KCNAB2: variants seen among roughly 807,000 people sequenced by gnomAD.
The protein encoded by KCNAB2 is potassium voltage-gated channel subfamily A regulatory beta subunit 2, also known as voltage-gated potassium channel subunit beta-2.
KCNAB2 carries 29 observed loss-of-function variants against 63.6 expected under a neutral mutation model. The observed-to-expected ratio is 0.46, with a 90% confidence interval of 0.34 to 0.62. The LOEUF (loss-of-function observed/expected upper bound fraction) is 0.62, where lower values mean the gene tolerates loss of function less well. KCNAB2 is among the 20% of genes least tolerant of loss of function. The pLI, the probability that KCNAB2 is intolerant of heterozygous loss-of-function variation, is 0.01. For missense variants in KCNAB2, 359 were observed against 563.9 expected (o/e 0.64, Z 3.68); for synonymous variants, 222 against 224.2 (o/e 0.99, Z 0.09).
chr1:6,054,824 C>T (rs1661674272), intron 2 of KCNAB2, among the ~76,000 whole-genome samples: 2 of 152,144 alleles, frequency 1.3e-5, no homozygotes, highest in African/African-American at 4.8e-5. Context: ...CCACAGCCAG[C>T]CTGATTGGTT....
chr1:5,992,842 A>G (rs1656580348), intron 1 of KCNAB2: 1 of 150,692 alleles, frequency 6.6e-6, no homozygotes, highest in Non-Finnish European at 1.5e-5. Flanking sequence ...CTGCTCCGGG[A>G]CGGCGGCGGC....
chr1:6,032,783 C>T (rs1418581785), upstream of KCNAB2, among the ~76,000 whole-genome samples: 1 of 152,168 alleles, frequency 6.6e-6, no homozygotes, highest in Admixed American at 6.5e-5. Context: ...AAAAGACCTC[C>T]CCAAAAAGGT....
chr1:6,008,927 G>C (rs1657986639), intron 1 of KCNAB2, among the ~76,000 whole-genome samples: 1 of 152,230 alleles, frequency 6.6e-6, no homozygotes. Context: ...CCCCAGAGCA[G>C]CCCTGCCCAT....
chr1:6,062,825 G>A (rs1029394086), intron 2 of KCNAB2, among the ~76,000 whole-genome samples: 6 of 152,088 alleles, frequency 3.9e-5, no homozygotes, highest in African/African-American at 1.4e-4. Flanking sequence ...TATAATTCAC[G>A]TGCCATACAA....
At chr1:6,095,694 C>A in intron 13 of KCNAB2, 70 bp downstream of exon 13, 2 of 1,438,592 alleles carry the variant, frequency 1.4e-6, no homozygotes, top group South Asian at 1.1e-5. Context: ...ACCTTTGGGC[C>A]GACTGCTTTG....
chr1:6,086,431 T>C lies in KCNAB2; in HGVS notation c.426-1036T>C. The C allele has an allele frequency of 1.0e-6, 1 of 957,416 alleles. No individual in the cohort carries two copies. Among genetic ancestry groups the C allele is most frequent in the African/African-American group, 1.8e-5 (1 of 56,718 alleles). 59.3% of individuals were successfully genotyped at this position (957,416 alleles called of 1,614,324 possible). ...GGTGGTGTGGGGTGATCCCCCTTCC[T>C]GGAGGTGACGCTGCCTCTGCCAGAG... On this transcript the variant is annotated intron_variant, in intron 6 of 15. Coordinates refer to ENST00000378083, the MANE Select transcript of KCNAB2 (RefSeq NM_001199862.2). This position sits in a 1 kb window ranked among gnomAD's most constrained non-coding sequence, Gnocchi z 4.2.
At chr1:6,030,549 ATGTG>A (rs1418647666), upstream of KCNAB2, among the ~76,000 whole-genome samples, 1 of 149,956 alleles carries the variant, frequency 6.7e-6, no homozygotes, top group African/African-American at 2.5e-5. Context: ...ATATGTGTGT[ATGTG>A]TGTATGTCTA....
chr1:6,030,846 GTA>G (rs1426678195), upstream of KCNAB2, among the ~76,000 whole-genome samples: 6 of 151,386 alleles, frequency 4.0e-5, no homozygotes, highest in Non-Finnish European at 5.9e-5. Context: ...ATGTGTGTAG[GTA>G]TGTGTGTGTA....
chr1:6,066,856 C>T (rs1288275834), intron 2 of KCNAB2, among the ~76,000 whole-genome samples: 3 of 152,250 alleles, frequency 2.0e-5, no homozygotes, highest in Admixed American at 6.5e-5. Flanking sequence ...GCAGCCAGGC[C>T]GCATCTGGAG....
chr1:6,029,281 C>CA (rs756374657), intron 1 of KCNAB2, among the ~76,000 whole-genome samples: 4,103 of 62,202 alleles, frequency 0.066, 174 homozygotes, highest in African/African-American at 0.15. Flanking sequence ...GACTCCATCT[C>CA]AAAAAAAAAA....
chr1:6,000,990 G>A (rs1383180596), intron 1 of KCNAB2, among the ~76,000 whole-genome samples: 1 of 152,232 alleles, frequency 6.6e-6, no homozygotes, highest in Non-Finnish European at 1.5e-5. Context: ...ACATCGTCAG[G>A]AAAGGGGGAA....
chr1:6,081,675 G>A (rs1317195734), intron 4 of KCNAB2, among the ~76,000 whole-genome samples: 1 of 152,084 alleles, frequency 6.6e-6, no homozygotes, highest in African/African-American at 2.4e-5. Flanking sequence ...GCTTGTAGAC[G>A]TGTCACTCTG....
rs59453093 is a variant in KCNAB2 at position 6,074,380 on chromosome 1, C to T, written c.300+610C>T. On this transcript the variant is annotated intron_variant, in intron 4 of 15. Coordinates refer to ENST00000378083, the MANE Select transcript of KCNAB2 (RefSeq NM_001199862.2). The surrounding 1 kb of genome is among the most constrained non-coding windows in gnomAD (Gnocchi z 4.9). ...GTATGCCGCCAGCGCCTCTGGGTCT[C>T]TCGGAAGGACAGGGACGGCACACGC... 0.1 allele frequency among the ~76,000 whole-genome samples: 15,380 copies of T among 152,258 alleles called. 2,502 individuals are homozygous for T. Among genetic ancestry groups the T allele is most frequent in the African/African-American group, 0.34 (14,215 of 41,488 alleles).
rs1663367942 is a variant in KCNAB2 at position 6,073,210 on chromosome 1, G to A, written c.262+412G>A. 1.3e-5 allele frequency among the ~76,000 whole-genome samples: 2 copies of A among 152,010 alleles called. No individual in the cohort carries two copies. The highest frequency in any genetic ancestry group is 2.9e-5 in the Non-Finnish European group (2 of 67,990). On this transcript the variant is annotated intron_variant, in intron 3 of 15. Transcript: ENST00000378083. The surrounding 1 kb of genome is among the most constrained non-coding windows in gnomAD (Gnocchi z 5.7). Reference sequence around the variant, plus strand: ...TTTTTCCTCTCCTGTCAGATACAAGGCCTGTTTCCAGAATGTGCAGTCCCC... The same window carrying A: ...TTTTTCCTCTCCTGTCAGATACAAGACCTGTTTCCAGAATGTGCAGTCCCC...
chr1:6,094,544 A>T (rs1231943443), intron 11 of KCNAB2, 59 bp downstream of exon 11: 2 of 1,407,030 alleles, frequency 1.4e-6, no homozygotes, highest in Non-Finnish European at 2.0e-6. Context: ...CCGGCTGCGT[A>T]TGGAGACCCC....
chr1:6,040,955 G>T (rs1265059794), upstream of KCNAB2, among the ~76,000 whole-genome samples: 2 of 152,260 alleles, frequency 1.3e-5, no homozygotes, highest in Non-Finnish European at 2.9e-5. Context: ...CGGCCGGACA[G>T]TGAGTGCACG....
In KCNAB2 at chr1:6,003,437, C is replaced by T. The variant is rs556818250; in HGVS notation, c.-53+10649C>T. 1.3e-5 allele frequency among the ~76,000 whole-genome samples: 2 copies of T among 152,340 alleles called. No homozygotes were observed. Among genetic ancestry groups the T allele is most frequent in the Non-Finnish European group, 2.9e-5 (2 of 68,032 alleles). ...TTCAGCCCCTGCAGACACGCAGGCA[C>T]CGTCCACCTTCTCCACTCTTAGCGC... On this transcript the variant is annotated intron_variant, in intron 1 of 16. Transcript: ENST00000341524. This position sits in a 1 kb window ranked among gnomAD's most constrained non-coding sequence, Gnocchi z 4.1.
intron 1 of KCNAB2, among the ~76,000 whole-genome samples, chr1:6,039,762 G>A (rs1364700941): frequency 6.6e-6 from 1 of 152,184 alleles, no homozygotes; most frequent in African/African-American, 2.4e-5. Flanking sequence ...TTGGGCTGTT[G>A]GGCTGAGGGC....
Position 6,098,532 on chromosome 1 carries a change from T to A in KCNAB2, c.1206T>A (p.Ile402=), listed in dbSNP as rs1665835567. 4 of 1,614,002 alleles carry A rather than the reference T, an allele frequency of 2.5e-6. No homozygotes were observed. Among genetic ancestry groups the A allele is most frequent in the Non-Finnish European group, 2.5e-6 (3 of 1,179,996 alleles). ...CCATTATCCACGAGATTGATAGTAT[T>A]TTGGGCAATAAACCCTACAGCAAAA... The part of the protein sequence containing the change: ...SSSIIHEIDS[I]LGNKPYSKKD... Residue 402 remains isoleucine (I), a synonymous_variant, in exon 16 of 16, where the codon ATT becomes ATA. Transcript: ENST00000378083.
Sources: gnomAD v4.1 joint callset for allele counts (sites outside exome capture counted in the v4.1 genomes callset) on GRCh38, gnomAD v4.1.1 for gene constraint, Gnocchi (gnomAD v3.1) non-coding constraint, MANE v1.5 for transcripts, NCBI Gene and HGNC (gene_info 2026-07-23, HGNC 2026-07-21) for gene names.